Variants in STARD3 observed in about 807,000 individuals in gnomAD.
The protein encoded by STARD3 is StAR related lipid transfer domain containing 3.
Under a neutral mutation model 62.0 loss-of-function variants are expected in STARD3, and 39 were observed. The ratio of observed to expected loss-of-function variants is 0.63; its 90% confidence interval spans 0.49 to 0.82. STARD3 has a LOEUF of 0.82. STARD3 is among the 40% of genes least tolerant of loss of function. STARD3 has a pLI of 0.00. For synonymous variants in STARD3, 229 were observed against 242.4 expected, an observed-to-expected ratio of 0.94 and a Z score of 0.51; for missense variants, 543 against 584.5, an observed-to-expected ratio of 0.93 and a Z score of 0.73.
intron 1 of STARD3, among the ~76,000 whole-genome samples, chr17:39,650,333 G>A (rs967272545): frequency 6.6e-6 from 1 of 152,150 alleles, no homozygotes; most frequent in Non-Finnish European, 1.5e-5. Flanking sequence ...CAGATTGCTC[G>A]CACACCGTCA....
At chr17:39,658,927 G>A (rs1372345959) in intron 7 of STARD3, 107 bp downstream of exon 7, 9 of 1,563,510 alleles carry the variant, frequency 5.8e-6, no homozygotes, top group African/African-American at 1.4e-5. Context: ...CCTGGGGAAA[G>A]CCAGCAACCC....
At chr17:39,662,195 G>C in intron 13 of STARD3, 56 bp from the exon 14 acceptor site, 1 of 1,507,592 alleles carries the variant, frequency 6.6e-7, no homozygotes, top group East Asian at 2.3e-5. Context: ...GGCTGCGGGG[G>C]GGTGTCAGGG....
rs1439766949 is a variant in STARD3 at position 39,663,954 on chromosome 17, G to A, written c.*1046G>A. On this transcript the variant is annotated 3_prime_UTR_variant, in exon 15 of 15. Coordinates refer to ENST00000336308, the MANE Select transcript of STARD3 (RefSeq NM_006804.4). ...TCACACCAGGGGCGGCCTGGAGCCC[G>A]GATCGCAGGGCGGGGCCAGGCCACT... Among the ~76,000 whole-genome samples the A allele has an allele frequency of 1.8e-4, 28 of 152,072 alleles. No individual in the cohort carries two copies. Among genetic ancestry groups the A allele is most frequent in the Non-Finnish European group, 4.4e-5 (3 of 68,010 alleles).
chr17:39,661,404 AT>A, intron 13 of STARD3: 1 of 385,304 alleles, frequency 2.6e-6, no homozygotes, highest in South Asian at 2.8e-5. Flanking sequence ...CTCTGGGCTG[AT>A]TGACCTGAGC....
intron 1 of STARD3, among the ~76,000 whole-genome samples, chr17:39,646,453 G>A (rs2057026873): frequency 6.6e-6 from 1 of 151,958 alleles, no homozygotes; most frequent in South Asian, 2.1e-4. Flanking sequence ...GGGCTTTGTT[G>A]TGTTGCCCAG....
chr17:39,657,495 C>G (rs2145009142), intron 3 of STARD3, among the ~76,000 whole-genome samples: 1 of 151,804 alleles, frequency 6.6e-6, no homozygotes, highest in East Asian at 1.9e-4. Context: ...CCACCGCACT[C>G]CAGCCTGGGC....
At chr17:39,658,885 G>T in intron 7 of STARD3, 65 bp downstream of exon 7, 2 of 1,589,610 alleles carry the variant, frequency 1.3e-6, no homozygotes, top group Non-Finnish European at 1.7e-6. Context: ...GGGTAGGCTG[G>T]GTCTGTTCTT....
chr17:39,637,344 A>T (rs1040023613), intron 1 of STARD3, 113 bp downstream of exon 1: 3 of 152,126 alleles, frequency 2.0e-5, no homozygotes, highest in Admixed American at 6.5e-5. Flanking sequence ...CCCTTCCCAC[A>T]CCCGCTGCGT....
Position 39,661,042 on chromosome 17 carries a change from G to T in STARD3, c.1096G>T (p.Ala366Ser). 6.2e-7 allele frequency: 1 copy of T among 1,613,704 alleles called. No individual in the cohort carries two copies. The highest frequency in any genetic ancestry group is 8.5e-7 in the Non-Finnish European group (1 of 1,180,010). ...GGACCGATACTTGTCATCAGGGATCGCCACCTCACACAGTGCCAAGCCCCC... is the reference window on the plus strand; with the variant it reads ...GGACCGATACTTGTCATCAGGGATCTCCACCTCACACAGTGCCAAGCCCCC... ...RRDRYLSSGIATSHSAKPPTH... is the reference protein window; with the variant it reads ...RRDRYLSSGISTSHSAKPPTH... Residue 366 changes from alanine (A) to serine (S), a missense_variant, in exon 13 of 15, where the codon GCC becomes TCC. Ala to Ser is a moderately conservative substitution (Grantham distance 99). Transcript: ENST00000336308.
rs2056937681 is a variant in STARD3, at chr17:39,637,245, C to A, written c.-52+14C>A. ...GACATGGAGCAGGTGGGTCCCGGAG[C>A]GGTCGCTGGGAGCGGGTGGCGTGCG... On this transcript the variant is annotated intron_variant, in intron 1 of 14. Transcript: ENST00000336308. 6.6e-6 allele frequency: 1 copy of A among 152,322 alleles called. No homozygotes were observed. The highest frequency in any genetic ancestry group is 2.4e-5 in the African/African-American group (1 of 41,454). 9.4% of individuals were successfully genotyped at this position (152,322 alleles called of 1,614,324 possible).
intron 14 of STARD3, 122 bp downstream of exon 14, chr17:39,662,466 C>G (rs921334878): frequency 1.0e-6 from 1 of 985,632 alleles, no homozygotes; most frequent in South Asian, 1.5e-5. Flanking sequence ...TGTCAGCCAC[C>G]TTTCTTACTT....
At chr17:39,647,251 A>C (rs1419370703) in intron 1 of STARD3, among the ~76,000 whole-genome samples, 10 of 147,740 alleles carry the variant, frequency 6.8e-5, no homozygotes, top group East Asian at 3.9e-4. Flanking sequence ...TCCCACTCTC[A>C]CTCCCTCCCC....
At chr17:39,649,659 G>A (rs925554263) in intron 1 of STARD3, among the ~76,000 whole-genome samples, 2 of 152,076 alleles carry the variant, frequency 1.3e-5, no homozygotes, top group African/African-American at 4.8e-5. Context: ...CTGAGGTTGG[G>A]AATTCAAGAC....
intron 8 of STARD3, among the ~76,000 whole-genome samples, 158 bp from the exon 9 acceptor site, chr17:39,659,303 C>A (rs919364077): frequency 1.3e-5 from 2 of 152,232 alleles, no homozygotes; most frequent in Admixed American, 1.3e-4. Flanking sequence ...GGAGCAGCCA[C>A]AAGCCTGCAG....
At chr17:39,653,442 G>A (rs2057095817) in intron 1 of STARD3, 39 bp from the exon 2 acceptor site, 2 of 1,368,348 alleles carry the variant, frequency 1.5e-6, no homozygotes, top group Non-Finnish European at 1.0e-6. Context: ...GGAGGGACAG[G>A]AGGAGTTTGA....
At chr17:39,642,458 G>A (rs1471504477) in intron 1 of STARD3, among the ~76,000 whole-genome samples, 3 of 152,192 alleles carry the variant, frequency 2.0e-5, no homozygotes, top group Admixed American at 6.5e-5. Context: ...CTGCTCTCCC[G>A]GCTGGGCGTG....
rs902479343 is a variant in STARD3 at position 39,658,271 on chromosome 17, T to C, written c.430-134T>C. 5.6e-6 allele frequency: 5 copies of C among 889,900 alleles called. No homozygotes were observed. In the East Asian group the frequency reaches 1.3e-4, roughly 23 times the overall value. The allele number at this position is 889,900 out of a possible 1,614,324, so 55.1% of individuals were successfully genotyped here. A position where few individuals can be genotyped will look rare whatever the true frequency, so the allele number is the denominator to read the frequency against. On this transcript the variant is annotated intron_variant, in intron 5 of 14. Coordinates refer to ENST00000336308, the MANE Select transcript of STARD3 (RefSeq NM_006804.4). Reference sequence around the variant, plus strand: ...ACCCCAGTTTATCCTGCTGCAGACTTGAGAGGGTTCCCAAGCAGCTGCTAC... The same window carrying C: ...ACCCCAGTTTATCCTGCTGCAGACTCGAGAGGGTTCCCAAGCAGCTGCTAC...
intron 1 of STARD3, among the ~76,000 whole-genome samples, chr17:39,651,412 A>G (rs2057076641): frequency 6.6e-6 from 1 of 152,206 alleles, no homozygotes; most frequent in African/African-American, 2.4e-5. Flanking sequence ...TCCCAAGATC[A>G]GGGACAAACA....
At chr17:39,652,873 A>C (rs1486415310) in intron 1 of STARD3, 1 of 153,980 alleles carries the variant, frequency 6.5e-6, no homozygotes, top group East Asian at 1.9e-4. Flanking sequence ...GCCATGGTCC[A>C]GGCAGAGATG....
Sources: gnomAD v4.1 joint callset for allele counts (sites outside exome capture counted in the v4.1 genomes callset) on GRCh38, gnomAD v4.1.1 for gene constraint, MANE v1.5 for transcripts, NCBI Gene and HGNC (gene_info 2026-07-23, HGNC 2026-07-21) for gene names.